The following ATP10D variants were observed in gnomAD, a reference collection of about 807,000 sequenced individuals.
The protein encoded by ATP10D is phospholipid-transporting ATPase VD.
In ATP10D, 89 loss-of-function variants were observed where a neutral mutation model predicts 144.8. The observed-to-expected ratio is 0.61, with a 90% CI of 0.52 to 0.73. The LOEUF is 0.73. ATP10D is among the 30% of genes least tolerant of loss of function. The pLI is 0.00. For missense variants in ATP10D, 1,603 were observed against 1,714.8 expected (o/e 0.93, Z 1.15); for synonymous variants, 571 against 615.1 (o/e 0.93, Z 1.06).
Position 47,530,269 on chromosome 4 carries a change from TATG to T in ATP10D, c.776+4630_776+4632del, listed in dbSNP as rs1717495965. 2.6e-5 allele frequency among the ~76,000 whole-genome samples: 4 copies of T among 152,048 alleles called. No individual in the cohort carries two copies. In the South Asian group the frequency reaches 6.2e-4, roughly 24 times the overall value. ...ATGCTTTCAACTTTCCCCCTTTTTTTATGATATTGGCTGTGAATTTGTCATACA... is the reference window on the plus strand; with the variant it reads ...ATGCTTTCAACTTTCCCCCTTTTTTTATATTGGCTGTGAATTTGTCATACA... On this transcript the variant is annotated intron_variant, in intron 5 of 22. Coordinates refer to ENST00000273859, the MANE Select transcript of ATP10D (RefSeq NM_020453.4).
intron 1 of ATP10D, among the ~76,000 whole-genome samples, chr4:47,497,284 C>T (rs370497721): frequency 2.6e-5 from 4 of 151,836 alleles, no homozygotes; most frequent in African/African-American, 2.4e-5. Flanking sequence ...GGAGAAATCC[C>T]GTCTCTACTA....
chr4:47,576,972 A>AG lies in ATP10D; in HGVS notation c.3567+1dup. The AG allele has an allele frequency of 6.2e-7, 1 of 1,614,080 alleles. No homozygotes were observed. Among genetic ancestry groups the AG allele is most frequent in the Non-Finnish European group, 8.5e-7 (1 of 1,179,926 alleles). Reference sequence around the variant, plus strand: ...CTTTACAGAAGTGGTCAGAAATCAGAGGTAGGTGTTAAAGCAAGAGTGCTT... The same window carrying AG: ...CTTTACAGAAGTGGTCAGAAATCAGAGGGTAGGTGTTAAAGCAAGAGTGCTT... On this transcript the variant is annotated frameshift_variant and splice_region_variant, in exon 19 of 23. Transcript: ENST00000273859. LOFTEE classifies it high-confidence loss of function.
rs1716425761 is a variant in ATP10D, at chr4:47,512,840, T to C, written c.290+10T>C. ...TTGAACAATTTCACAGGTACTGTTT[T>C]ATTTTTGAAGAAAACCTTAGAATAT... On this transcript the variant is annotated intron_variant, in intron 2 of 22. Transcript: ENST00000273859. The C allele has an allele frequency of 2.5e-6, 4 of 1,587,440 alleles. No individual in the cohort carries two copies. The highest frequency in any genetic ancestry group is 1.3e-5 in the African/African-American group (1 of 74,088).
At chr4:47,487,383 G>A (rs973922539) in intron 1 of ATP10D, among the ~76,000 whole-genome samples, 34 of 152,012 alleles carry the variant, frequency 2.2e-4, no homozygotes, top group African/African-American at 5.8e-4. Flanking sequence ...TTTAAATTAA[G>A]GGTTAAAAAA....
chr4:47,512,984 C>T (rs1038327402), intron 2 of ATP10D, 154 bp downstream of exon 2: 1 of 722,306 alleles, frequency 1.4e-6, no homozygotes, highest in Non-Finnish European at 2.2e-6. Flanking sequence ...AATGATGACT[C>T]CTCCCATTCA....
chr4:47,530,217 G>C (rs564255982), intron 5 of ATP10D, among the ~76,000 whole-genome samples: 6 of 151,920 alleles, frequency 3.9e-5, no homozygotes, highest in African/African-American at 1.2e-4. Context: ...GCCTCTTGTC[G>C]AACCGGAACA....
At chr4:47,543,111 A>G (rs4391005) in intron 9 of ATP10D, among the ~76,000 whole-genome samples, 59,557 of 152,036 alleles carry the variant, frequency 0.39, 12,240 homozygotes, top group East Asian at 0.78. Context: ...TCACATTCAC[A>G]TAAGTTTTAC....
chr4:47,520,609 A>C (rs1577639273), intron 3 of ATP10D, among the ~76,000 whole-genome samples: 2 of 151,832 alleles, frequency 1.3e-5, no homozygotes, highest in Non-Finnish European at 2.9e-5. Context: ...CTGTCTCAAA[A>C]ACAGGTTGGA....
chr4:47,586,292 A>G (rs1720790008), intron 21 of ATP10D, among the ~76,000 whole-genome samples: 1 of 152,238 alleles, frequency 6.6e-6, no homozygotes, highest in Admixed American at 6.5e-5. Context: ...TGCAAGATAT[A>G]CATGAATATG....
rs567788812 is a variant in ATP10D at position 47,524,559 on chromosome 4, G to A, written c.691-998G>A. Among the ~76,000 whole-genome samples, 19 of 152,312 alleles carry A rather than the reference G, an allele frequency of 1.2e-4. No individual in the cohort carries two copies. The South Asian group carries it at 3.9e-3, about 32-fold the overall frequency. On this transcript the variant is annotated intron_variant, in intron 4 of 22. Transcript: ENST00000273859. ...CATTAAAAGTAATGGCAAAAAGCATGACTACTTTTGCACCAGTCTAATACT... is the reference window on the plus strand; with the variant it reads ...CATTAAAAGTAATGGCAAAAAGCATAACTACTTTTGCACCAGTCTAATACT...
chr4:47,525,994 G>C (rs1343342771), intron 5 of ATP10D, among the ~76,000 whole-genome samples: 1 of 152,198 alleles, frequency 6.6e-6, no homozygotes, highest in Non-Finnish European at 1.5e-5. Context: ...TGATTTTTAA[G>C]AGAAGACAAT....
At chr4:47,580,040 A>C (rs978656813) in intron 19 of ATP10D, among the ~76,000 whole-genome samples, 1 of 152,244 alleles carries the variant, frequency 6.6e-6, no homozygotes, top group Non-Finnish European at 1.5e-5. Context: ...AATTGGAATG[A>C]AGGGAGTAAT....
chr4:47,486,548 C>T (rs1714768784), intron 1 of ATP10D, among the ~76,000 whole-genome samples: 1 of 152,222 alleles, frequency 6.6e-6, no homozygotes, highest in South Asian at 2.1e-4. Flanking sequence ...ATCGAAAACC[C>T]TTGCTGACTT....
intron 1 of ATP10D, among the ~76,000 whole-genome samples, chr4:47,504,263 A>T (rs951466261): frequency 6.6e-6 from 1 of 152,226 alleles, no homozygotes; most frequent in Admixed American, 6.5e-5. Context: ...TCCAAAGATT[A>T]TGTGAGGTGA....
intron 17 of ATP10D, 138 bp downstream of exon 17, chr4:47,572,368 T>C: frequency 1.5e-6 from 1 of 671,044 alleles, no homozygotes; most frequent in Non-Finnish European, 2.5e-6. Context: ...AGTTTACCTA[T>C]CTATTCATTG....
intron 22 of ATP10D, among the ~76,000 whole-genome samples, chr4:47,587,445 G>C (rs561674273): frequency 3.9e-5 from 6 of 152,214 alleles, no homozygotes; most frequent in African/African-American, 1.4e-4. Context: ...CAGTTTACAG[G>C]GATAGGGTAG....
In ATP10D at chr4:47,512,585, G is replaced by A. The variant is rs1241263284; in HGVS notation, c.45G>A (p.Leu15=). Residue 15 remains leucine, a synonymous_variant, in exon 2 of 23, where the codon CTG becomes CTA. Transcript: ENST00000273859. ...GGGCCAGATATCACTGGCGACGGCT[G>A]ATCAGAGGTGCAACCAGGGATGATG... is the stretch of plus-strand genomic sequence containing the variant. The part of the protein sequence containing the change: ...LQWARYHWRR[L]IRGATRDDDS... 2 of 1,614,030 alleles carry A rather than the reference G, an allele frequency of 1.2e-6. No homozygotes were observed. Among genetic ancestry groups the A allele is most frequent in the African/African-American group, 1.3e-5 (1 of 74,926 alleles).
At position 47,547,617 on chromosome 4, in the gene ATP10D, T is replaced by C. The variant is rs1389468370; in HGVS notation, c.1635+755T>C. Reference sequence around the variant, plus strand: ...CTTGTGTTTTACCAAAATGAGGATTTCCCAGCCATCAGACTGATAATACCT... The same window carrying C: ...CTTGTGTTTTACCAAAATGAGGATTCCCCAGCCATCAGACTGATAATACCT... On this transcript the variant is annotated intron_variant, in intron 10 of 22. Coordinates refer to ENST00000273859, the MANE Select transcript of ATP10D (RefSeq NM_020453.4). The C allele has an allele frequency of 6.6e-5, 10 of 152,214 alleles. No individual in the cohort carries two copies. In the East Asian group the frequency reaches 1.7e-3, roughly 26 times the overall value. The allele number at this position is 152,214 out of a possible 1,614,324, so 9.4% of individuals were successfully genotyped here.
intron 5 of ATP10D, 66 bp downstream of exon 5, chr4:47,525,708 T>G (rs1717209266): frequency 7.6e-7 from 1 of 1,316,938 alleles, no homozygotes; most frequent in Non-Finnish European, 1.1e-6. Context: ...GTACTTAATT[T>G]GATAAAGTGT....
Sources: allele counts gnomAD v4.1 joint callset (sites outside exome capture counted in the v4.1 genomes callset), GRCh38; gene constraint gnomAD v4.1.1; transcripts MANE v1.5; gene names NCBI Gene and HGNC (gene_info 2026-07-23, HGNC 2026-07-21).